SHC4: variants seen among roughly 807,000 people sequenced by gnomAD.
The protein encoded by SHC4 is SHC adaptor protein 4, also known as SHC-transforming protein 4.
Under a neutral mutation model 69.4 loss-of-function variants are expected in SHC4, and 41 were observed. The observed-to-expected ratio is 0.59, with a 90% CI of 0.46 to 0.77. The LOEUF (loss-of-function observed/expected upper bound fraction) is 0.77. SHC4 is among the 30% of genes least tolerant of loss of function. The pLI is 0.00. For synonymous variants in SHC4, 318 were observed against 299.3 expected, an observed-to-expected ratio of 1.06 and a Z score of -0.64; for missense variants, 777 against 783.8, an observed-to-expected ratio of 0.99 and a Z score of 0.10.
chr15:48,890,622 T>C (rs1164374628), intron 3 of SHC4, 126 bp downstream of exon 3: 3 of 1,041,746 alleles, frequency 2.9e-6, no homozygotes, highest in Non-Finnish European at 4.5e-6. Context: ...GCAGCTCTGA[T>C]ATCACGCCAC....
intron 9 of SHC4, among the ~76,000 whole-genome samples, chr15:48,846,511 T>A (rs1317191758): frequency 6.6e-6 from 1 of 152,212 alleles, no homozygotes; most frequent in Non-Finnish European, 1.5e-5. Context: ...CCTTCAAGAT[T>A]CTGCTCTGAA....
intron 2 of SHC4, among the ~76,000 whole-genome samples, chr15:48,907,543 C>T (rs1900427357): frequency 6.6e-6 from 1 of 151,902 alleles, no homozygotes; most frequent in African/African-American, 2.4e-5. Context: ...TACTTATAGT[C>T]TTCTATCTCT....
In SHC4 at chr15:48,897,756, GAC is replaced by G. The variant is rs138796905; in HGVS notation, c.657-6947_657-6946del. The stretch of plus-strand genomic sequence containing the variant: ...ATGATCCCCACATCCCCCACCTTCT[GAC>G]ACACACACACACACACACACACACA... On this transcript the variant is annotated intron_variant, in intron 2 of 11. Coordinates refer to ENST00000332408, the MANE Select transcript of SHC4 (RefSeq NM_203349.4). Among the ~76,000 whole-genome samples the G allele has an allele frequency of 1.8e-3, 248 of 139,028 alleles. 2 individuals are homozygous for G. Among genetic ancestry groups the G allele is most frequent in the Middle Eastern group, 3.6e-3 (1 of 274 alleles). The allele number at this position is 139,028 out of a possible 152,430, so 91.2% of individuals were successfully genotyped here.
intron 4 of SHC4, among the ~76,000 whole-genome samples, chr15:48,873,815 A>C (rs1899742599): frequency 6.6e-6 from 1 of 152,178 alleles, no homozygotes; most frequent in Admixed American, 6.5e-5. Context: ...AGAGTACTTT[A>C]GTACAAAACT....
intron 1 of SHC4, among the ~76,000 whole-genome samples, chr15:48,932,154 T>C (rs1417708311): frequency 2.0e-5 from 3 of 152,070 alleles, no homozygotes; most frequent in African/African-American, 7.2e-5. Flanking sequence ...CTAAAACACA[T>C]ATATGGCATG....
chr15:48,938,604 A>G (rs1324430427), intron 1 of SHC4, among the ~76,000 whole-genome samples: 2 of 152,138 alleles, frequency 1.3e-5, no homozygotes, highest in Non-Finnish European at 2.9e-5. Flanking sequence ...TCACTGTGGG[A>G]GTGATTTGTC....
chr15:48,935,602 C>G (rs1407651231), intron 1 of SHC4, among the ~76,000 whole-genome samples: 5 of 152,140 alleles, frequency 3.3e-5, no homozygotes, highest in Non-Finnish European at 1.5e-5. Flanking sequence ...CTGGCCAAAG[C>G]CCTCCTTGTG....
intron 2 of SHC4, among the ~76,000 whole-genome samples, chr15:48,895,453 C>T (rs1279136445): frequency 6.6e-6 from 1 of 152,082 alleles, no homozygotes; most frequent in Non-Finnish European, 1.5e-5. Context: ...AGGCGCAGCT[C>T]TTTGGCCAAT....
intron 3 of SHC4, among the ~76,000 whole-genome samples, chr15:48,890,050 A>G (rs1595746865): frequency 1.3e-5 from 2 of 152,362 alleles, no homozygotes; most frequent in South Asian, 4.1e-4. Flanking sequence ...GCTGTGGTAG[A>G]TAGTATGTAG....
chr15:48,849,750 G>A (rs1372204573), intron 9 of SHC4, among the ~76,000 whole-genome samples: 2 of 152,144 alleles, frequency 1.3e-5, no homozygotes, highest in African/African-American at 4.8e-5. Context: ...AAGGAAATAT[G>A]GCTGTCAGAG....
intron 9 of SHC4, among the ~76,000 whole-genome samples, chr15:48,844,221 C>T (rs1471462337): frequency 6.6e-6 from 1 of 152,012 alleles, no homozygotes; most frequent in Non-Finnish European, 1.5e-5. Context: ...CAGGTTATCT[C>T]CTCCTCCTCT....
chr15:48,878,778 G>A (rs780015230), intron 4 of SHC4: 1 of 1,556,646 alleles, frequency 6.4e-7, no homozygotes. Context: ...TACTTGAGGA[G>A]GGACCCAACT....
At chr15:48,945,669 T>A (rs918601072) in intron 1 of SHC4, among the ~76,000 whole-genome samples, 1 of 151,802 alleles carries the variant, frequency 6.6e-6, no homozygotes. Flanking sequence ...AAAACACAAA[T>A]CCACAGAGAC....
chr15:48,929,148 G>A (rs986785915), intron 1 of SHC4, among the ~76,000 whole-genome samples: 4 of 152,148 alleles, frequency 2.6e-5, no homozygotes, highest in East Asian at 1.9e-4. Flanking sequence ...AAAAAACACC[G>A]TGGTGAGGAA....
intron 2 of SHC4, among the ~76,000 whole-genome samples, chr15:48,903,925 C>T (rs906320166): frequency 6.6e-6 from 1 of 152,152 alleles, no homozygotes; most frequent in Non-Finnish European, 1.5e-5. Context: ...GCCACCACCC[C>T]CAGCTAACAT....
rs145676892 is a variant in SHC4, at chr15:48,860,955, TG to T, written c.947-3141del. Among the ~76,000 whole-genome samples the T allele has an allele frequency of 3.5e-3, 537 of 152,312 alleles. 1 individual carries two copies. The highest frequency in any genetic ancestry group is 6.0e-3 in the Non-Finnish European group (407 of 68,024). ...AGGGCGGCATGTGGGTACACAGAAA[TG>T]AATGAATCAATCAGACACATCAACC... is the stretch of plus-strand genomic sequence containing the variant. On this transcript the variant is annotated intron_variant, in intron 6 of 11. Coordinates refer to ENST00000332408, the MANE Select transcript of SHC4 (RefSeq NM_203349.4).
chr15:48,826,925 T>C (rs1483706806), intron 11 of SHC4, among the ~76,000 whole-genome samples: 1 of 152,194 alleles, frequency 6.6e-6, no homozygotes, highest in Admixed American at 6.5e-5. Flanking sequence ...AGTAGCTGAT[T>C]CACAGATATT....
At chr15:48,890,677 G>C in intron 3 of SHC4, 71 bp downstream of exon 3, 1 of 1,575,472 alleles carries the variant, frequency 6.3e-7, no homozygotes, top group African/African-American at 1.3e-5. Context: ...TGGGATGAAC[G>C]AACAGCGATT....
intron 11 of SHC4, among the ~76,000 whole-genome samples, chr15:48,833,106 TTTG>T (rs1419217040): frequency 7.2e-5 from 11 of 152,190 alleles, no homozygotes; most frequent in Admixed American, 7.2e-4. Context: ...GTTTCATAAC[TTTG>T]TGTTGGGATC....
Sources: gnomAD v4.1 joint callset for allele counts (sites outside exome capture counted in the v4.1 genomes callset) on GRCh38, gnomAD v4.1.1 for gene constraint, MANE v1.5 for transcripts, NCBI Gene and HGNC (gene_info 2026-07-23, HGNC 2026-07-21) for gene names.